The following AFDN variants were observed in gnomAD, a reference collection of about 807,000 sequenced individuals.
AFDN encodes afadin, adherens junction formation factor.
AFDN carries 68 observed loss-of-function variants against 216.6 expected under a neutral mutation model. That is an observed-to-expected ratio of 0.31 (90% CI 0.26 to 0.38). AFDN has a LOEUF of 0.38. Ranked by LOEUF, AFDN falls within the 10% of genes least tolerant of loss-of-function variation. AFDN has a pLI of 1.00. For missense variants in AFDN, 2,136 were observed against 2,342.0 expected (o/e 0.91, Z 1.82); for synonymous variants, 868 against 853.7 (o/e 1.02, Z -0.29).
chr6:167,924,019 ACCTT>A (rs2128508526), intron 22 of AFDN, among the ~76,000 whole-genome samples: 1 of 152,292 alleles, frequency 6.6e-6, no homozygotes, highest in South Asian at 2.1e-4. Flanking sequence ...AAAAACAAGT[ACCTT>A]CTAGGTAGAT....
chr6:167,898,995 T>C (rs943869475), intron 11 of AFDN, among the ~76,000 whole-genome samples: 1 of 152,120 alleles, frequency 6.6e-6, no homozygotes, highest in African/African-American at 2.4e-5. Context: ...TCTCCTTTGG[T>C]TTTACTTTTT....
chr6:167,887,711 G>A (rs1393647756), intron 6 of AFDN, among the ~76,000 whole-genome samples: 1 of 152,146 alleles, frequency 6.6e-6, no homozygotes, highest in Non-Finnish European at 1.5e-5. Flanking sequence ...ACCTGCCTTG[G>A]CCTCCCAAAG....
chr6:167,830,799 C>CT (rs1284663015), intron 1 of AFDN, among the ~76,000 whole-genome samples: 1 of 152,086 alleles, frequency 6.6e-6, no homozygotes, highest in Non-Finnish European at 1.5e-5. Flanking sequence ...TAAGAAATAA[C>CT]TTTGTCAGCA....
intron 23 of AFDN, chr6:167,932,479 T>C (rs1793434150): frequency 6.6e-6 from 1 of 152,244 alleles, no homozygotes; most frequent in African/African-American, 2.4e-5. Context: ...TTTTTATTTT[T>C]CTAAGTCTTT....
At chr6:167,969,398 C>A (rs939520085) in intron 33 of AFDN, among the ~76,000 whole-genome samples, 200 bp downstream of exon 33, 3 of 152,258 alleles carry the variant, frequency 2.0e-5, no homozygotes, top group Admixed American at 1.3e-4. Context: ...CAGTACTATT[C>A]TATAACTTAT....
At chr6:167,870,192 G>A (rs188730481) in intron 2 of AFDN, among the ~76,000 whole-genome samples, 194 bp from the exon 3 acceptor site, 27 of 152,282 alleles carry the variant, frequency 1.8e-4, no homozygotes, top group African/African-American at 6.3e-4. Context: ...CACTGGATAT[G>A]TGGTAATAAA....
intron 15 of AFDN, among the ~76,000 whole-genome samples, chr6:167,913,188 G>A (rs897855754): frequency 1.3e-5 from 2 of 152,192 alleles, no homozygotes; most frequent in Non-Finnish European, 2.9e-5. Context: ...TATTGTGCCA[G>A]TGGTAAGAAC....
intron 6 of AFDN, among the ~76,000 whole-genome samples, chr6:167,884,293 T>C (rs1176889936): frequency 1.3e-5 from 2 of 152,210 alleles, no homozygotes; most frequent in African/African-American, 4.8e-5. Context: ...CCTTTCACTA[T>C]TGATATTTTT....
chr6:167,927,399 G>A (rs1380995438), intron 23 of AFDN, among the ~76,000 whole-genome samples: 1 of 152,156 alleles, frequency 6.6e-6, no homozygotes, highest in Admixed American at 6.5e-5. Flanking sequence ...GGAAGGCAGT[G>A]CTTAATTAGT....
Position 167,891,073 on chromosome 6 carries a change from T to G in AFDN, c.1177+44T>G, listed in dbSNP as rs746808784. 3.5e-6 allele frequency: 5 copies of G among 1,424,226 alleles called. No individual in the cohort carries two copies. In the East Asian group the frequency reaches 1.3e-4, roughly 36 times the overall value. 88.2% of individuals were successfully genotyped at this position (1,424,226 alleles called of 1,614,324 possible). On this transcript the variant is annotated intron_variant, in intron 8 of 33. Coordinates refer to ENST00000683244, the MANE Select transcript of AFDN (RefSeq NM_001386888.1). ...CCAGCACACATTATTAATGTGCATT[T>G]TTAGCTTCAAATCTTTGTACTTTCT...
chr6:167,948,777 C>T, intron 29 of AFDN, among the ~76,000 whole-genome samples: 1 of 152,224 alleles, frequency 6.6e-6, no homozygotes, highest in East Asian at 1.9e-4. Context: ...GTGTATTTTG[C>T]ACTGTATCAG....
intron 23 of AFDN, among the ~76,000 whole-genome samples, chr6:167,935,396 G>T (rs1793868025): frequency 6.6e-6 from 1 of 152,208 alleles, no homozygotes; most frequent in South Asian, 2.1e-4. Flanking sequence ...ACATAGCAGT[G>T]TGGGCGCTGT....
chr6:167,880,061 A>G (rs1351476736), intron 5 of AFDN, among the ~76,000 whole-genome samples: 1 of 152,146 alleles, frequency 6.6e-6, no homozygotes, highest in African/African-American at 2.4e-5. Flanking sequence ...TTCTTTCCTC[A>G]CTATAGATAC....
At chr6:167,890,753 C>G in intron 7 of AFDN, 109 bp from the exon 8 acceptor site, 2 of 1,039,226 alleles carry the variant, frequency 1.9e-6, no homozygotes, top group Non-Finnish European at 2.8e-6. Flanking sequence ...GCAGATGTTC[C>G]TAAATTACAT....
intron 1 of AFDN, among the ~76,000 whole-genome samples, chr6:167,856,020 G>A (rs1782854653): frequency 6.6e-6 from 1 of 152,124 alleles, no homozygotes. Flanking sequence ...AGTTTAAATA[G>A]TGATGAAACC....
intron 23 of AFDN, among the ~76,000 whole-genome samples, chr6:167,933,754 T>C (rs1035732694): frequency 6.6e-6 from 1 of 152,242 alleles, no homozygotes; most frequent in African/African-American, 2.4e-5. Context: ...ATTTCTTGGA[T>C]TGGCTGAAAT....
intron 31 of AFDN, chr6:167,965,140 A>G: frequency 1.1e-6 from 1 of 912,612 alleles, no homozygotes. Context: ...ACTTTGGGAG[A>G]ATGAGTGTTT....
chr6:167,945,015 G>A (rs1795102951), intron 26 of AFDN, among the ~76,000 whole-genome samples: 2 of 151,636 alleles, frequency 1.3e-5, no homozygotes, highest in African/African-American at 4.8e-5. Context: ...ATTAACCTTA[G>A]CTTGCTGTAA....
chr6:167,916,872 A>G lies in AFDN; in HGVS notation c.2566-217A>G, dbSNP rs529672997. Among the ~76,000 whole-genome samples the G allele has an allele frequency of 7.2e-5, 11 of 152,344 alleles. No individual in the cohort carries two copies. The South Asian group carries it at 2.3e-3, about 32-fold the overall frequency. On this transcript the variant is annotated intron_variant, in intron 19 of 33. Coordinates refer to ENST00000683244, the MANE Select transcript of AFDN (RefSeq NM_001386888.1). ...TCTAATTATACATGCACGTCATAAA[A>G]TTAAGAGGGCATCTAAAAAGATGCC...
Sources: gnomAD v4.1 joint callset for allele counts (sites outside exome capture counted in the v4.1 genomes callset) on GRCh38, gnomAD v4.1.1 for gene constraint, MANE v1.5 for transcripts, NCBI Gene and HGNC (gene_info 2026-07-23, HGNC 2026-07-21) for gene names.